Variants in EBF4 observed in about 807,000 individuals in gnomAD.
EBF4 encodes transcription factor COE4.
A neutral mutation model predicts 67.1 loss-of-function variants in EBF4; 34 were observed. That is an observed-to-expected ratio of 0.51 (90% CI 0.39 to 0.67). The LOEUF (loss-of-function observed/expected upper bound fraction) is 0.67. Ranked by LOEUF, EBF4 falls within the 30% of genes least tolerant of loss-of-function variation. The pLI, the probability that EBF4 is intolerant of heterozygous loss-of-function variation, is 0.00. For synonymous variants in EBF4, 387 were observed against 377.7 expected, an observed-to-expected ratio of 1.02 and a Z score of -0.29; for missense variants, 837 against 873.3, an observed-to-expected ratio of 0.96 and a Z score of 0.52.
In EBF4 at chr20:2,752,337, G is replaced by A. The variant is rs1330373859; in HGVS notation, c.1352-20G>A. 1.7e-6 allele frequency: 2 copies of A among 1,199,388 alleles called. No individual in the cohort carries two copies. Among genetic ancestry groups the A allele is most frequent in the South Asian group, 4.0e-5 (1 of 25,176 alleles). 74.3% of individuals were successfully genotyped at this position (1,199,388 alleles called of 1,614,324 possible). Reference sequence around the variant, plus strand: ...TCCCCGGCCGGCACCGCCCCCTGACGGCCGCGCTCTCTCTCGCAGGCTACG... The same window carrying A: ...TCCCCGGCCGGCACCGCCCCCTGACAGCCGCGCTCTCTCTCGCAGGCTACG... On this transcript the variant is annotated intron_variant, in intron 13 of 16. Transcript: ENST00000609451.
chr20:2,693,402 G>C (rs1249817748), upstream of EBF4, among the ~76,000 whole-genome samples: 4 of 151,550 alleles, frequency 2.6e-5, no homozygotes, highest in Non-Finnish European at 4.4e-5. This position sits in a 1 kb window ranked among gnomAD's most constrained non-coding sequence, Gnocchi z 4.6. Context: ...CCAGCGCTCA[G>C]GCCGCGGGGG....
At position 2,708,159 on chromosome 20, in the gene EBF4, T is replaced by C. The variant is rs374494077; in HGVS notation, c.488+139T>C. ...CCTGGAGAAGCCTGGTGGCAGGTGA[T>C]GAAGGGAGTGGTGAGGCCCCTGGGC... On this transcript the variant is annotated intron_variant, in intron 5 of 16. Coordinates refer to ENST00000609451, the Ensembl canonical transcript of EBF4. 1.2e-5 allele frequency: 11 copies of C among 886,750 alleles called. No individual in the cohort carries two copies. The African/African-American group carries it at 1.5e-4, about 12-fold the overall frequency. The allele number at this position is 886,750 out of a possible 1,614,324, so 54.9% of individuals were successfully genotyped here. A position where few individuals can be genotyped will look rare whatever the true frequency, so the allele number is the denominator to read the frequency against.
intron 14 of EBF4, among the ~76,000 whole-genome samples, chr20:2,752,972 C>T (rs1389363383): frequency 6.6e-6 from 1 of 152,170 alleles, no homozygotes; most frequent in Non-Finnish European, 1.5e-5. Context: ...CGAGGGAAGC[C>T]GGCTTCCAGC....
intron 6 of EBF4, among the ~76,000 whole-genome samples, chr20:2,735,110 C>T (rs772537087): frequency 1.3e-5 from 2 of 152,180 alleles, no homozygotes; most frequent in Non-Finnish European, 1.5e-5. Context: ...AAGCAATTGC[C>T]GCTGGCTGTT....
intron 6 of EBF4, among the ~76,000 whole-genome samples, chr20:2,744,492 C>CTTTTTTTTTTTTTTTTTTTCTTTTTTT: frequency 8.6e-6 from 1 of 115,892 alleles, no homozygotes; most frequent in Non-Finnish European, 1.7e-5. Flanking sequence ...TTTTTCTTTT[C>CTTTTTTTTTTTTTTTTTTTCTTTTTTT]TTTTTTTTTT....
chr20:2,726,737 T>C (rs2087751690), intron 6 of EBF4, among the ~76,000 whole-genome samples: 1 of 152,194 alleles, frequency 6.6e-6, no homozygotes, highest in Non-Finnish European at 1.5e-5. Context: ...AATTAGATTA[T>C]CTAGATCACC....
At chr20:2,753,021 G>T (rs1430080298) in intron 14 of EBF4, among the ~76,000 whole-genome samples, 1 of 152,248 alleles carries the variant, frequency 6.6e-6, no homozygotes, top group Admixed American at 6.5e-5. Flanking sequence ...CCAGGTGGGC[G>T]TGGGGAGGAT....
At chr20:2,718,874 A>C (rs1452780477) in intron 6 of EBF4, among the ~76,000 whole-genome samples, 1 of 152,208 alleles carries the variant, frequency 6.6e-6, no homozygotes, top group East Asian at 1.9e-4. Context: ...TTATTGGCTT[A>C]AAATCTTTCA....
chr20:2,705,582 T>C (rs1233843322), exon 2 of EBF4: 13 of 1,551,780 alleles, frequency 8.4e-6, no homozygotes, highest in Non-Finnish European at 1.1e-5. Flanking sequence ...CACAGTGGCG[T>C]GGGTCTGGCA....
intron 6 of EBF4, among the ~76,000 whole-genome samples, chr20:2,716,597 A>G (rs2087614087): frequency 6.6e-6 from 1 of 152,212 alleles, no homozygotes; most frequent in Non-Finnish European, 1.5e-5. Context: ...TTTTCTTCCA[A>G]AGGTTTCACA....
At chr20:2,723,478 G>C (rs549704330) in intron 6 of EBF4, among the ~76,000 whole-genome samples, 27 of 150,020 alleles carry the variant, frequency 1.8e-4, no homozygotes, top group African/African-American at 6.8e-4. Context: ...AGCCTCCCGA[G>C]TAGCTGGGAC....
upstream of EBF4, chr20:2,692,804 AGCGGCG>A (rs575394026): frequency 5.9e-4 from 90 of 152,114 alleles, no homozygotes; most frequent in East Asian, 1.5e-3. This position sits in a 1 kb window ranked among gnomAD's most constrained non-coding sequence, Gnocchi z 6.4. Flanking sequence ...CTCCCCCGGG[AGCGGCG>A]GCGGCGGCGG....
At chr20:2,706,323 C>G in intron 4 of EBF4, 59 bp downstream of exon 4, 2 of 1,543,820 alleles carry the variant, frequency 1.3e-6, no homozygotes, top group Non-Finnish European at 1.8e-6. Flanking sequence ...CCCTGCCTCC[C>G]CCTGGTCTGA....
chr20:2,723,159 C>T (rs2087704150), intron 6 of EBF4, among the ~76,000 whole-genome samples: 1 of 152,066 alleles, frequency 6.6e-6, no homozygotes, highest in African/African-American at 2.4e-5. Context: ...TGAATTGAAC[C>T]TTTTATCAGT....
chr20:2,756,962 T>C lies in EBF4; in HGVS notation c.1738+1138T>C, dbSNP rs1016841327. On this transcript the variant is annotated intron_variant, in intron 15 of 16. Coordinates refer to ENST00000609451, the Ensembl canonical transcript of EBF4. This position sits in a 1 kb window ranked among gnomAD's most constrained non-coding sequence, Gnocchi z 4.5. Reference sequence around the variant, plus strand: ...TTTCTAACAGCATCTTGAGATTAGTTCCTGGGGAATGACCTTGAGATGCAG... The same window carrying C: ...TTTCTAACAGCATCTTGAGATTAGTCCCTGGGGAATGACCTTGAGATGCAG... Among the ~76,000 whole-genome samples the C allele has an allele frequency of 4.6e-5, 7 of 152,330 alleles. No homozygotes were observed. The highest frequency in any genetic ancestry group is 1.3e-4 in the Admixed American group (2 of 15,306).
At chr20:2,714,142 G>A (rs1402092817) in intron 6 of EBF4, among the ~76,000 whole-genome samples, 5 of 152,174 alleles carry the variant, frequency 3.3e-5, no homozygotes, top group African/African-American at 4.8e-5. Flanking sequence ...CATCGTGTAA[G>A]CGAACAGCAG....
At chr20:2,694,885 A>G (rs988096671) in intron 1 of EBF4, among the ~76,000 whole-genome samples, 9 of 152,042 alleles carry the variant, frequency 5.9e-5, no homozygotes, top group Admixed American at 5.9e-4. Flanking sequence ...GGGGCTCTGG[A>G]GCTGATCTCT....
intron 6 of EBF4, among the ~76,000 whole-genome samples, chr20:2,724,130 G>T (rs1184453607): frequency 6.6e-6 from 1 of 152,152 alleles, no homozygotes; most frequent in Non-Finnish European, 1.5e-5. Context: ...TCTCTTCTCA[G>T]TTTTATATTC....
intron 6 of EBF4, among the ~76,000 whole-genome samples, chr20:2,743,313 A>C (rs182325264): frequency 1.2e-3 from 184 of 152,296 alleles, no homozygotes; most frequent in African/African-American, 4.1e-3. Flanking sequence ...GAGGGTCGGC[A>C]GTCTCTCTAG....
Sources: allele counts gnomAD v4.1 joint callset (sites outside exome capture counted in the v4.1 genomes callset), GRCh38; gene constraint gnomAD v4.1.1; non-coding constraint Gnocchi (gnomAD v3.1); transcripts MANE v1.5; gene names NCBI Gene and HGNC (gene_info 2026-07-23, HGNC 2026-07-21).